GPHN: variants seen among roughly 807,000 people sequenced by gnomAD.
GPHN encodes the protein gephyrin.
In GPHN, 17 loss-of-function variants were observed where a neutral mutation model predicts 95.5. The ratio of observed to expected loss-of-function variants is 0.18; its 90% CI spans 0.12 to 0.27. The LOEUF is 0.27. Ranked by LOEUF, GPHN falls within the 10% of genes least tolerant of loss-of-function variation. The pLI is 1.00. For missense variants in GPHN, 660 were observed against 978.1 expected, an observed-to-expected ratio of 0.67 and a Z score of 4.34; for synonymous variants, 320 against 322.5, an observed-to-expected ratio of 0.99 and a Z score of 0.08.
intron 3 of GPHN, among the ~76,000 whole-genome samples, chr14:66,777,338 A>G (rs2059421811): frequency 1.3e-5 from 2 of 152,214 alleles, no homozygotes; most frequent in Admixed American, 1.3e-4. Flanking sequence ...TCAGTAGCCT[A>G]CCAACCAAAA....
chr14:67,165,928 AT>A (rs1407255901), intron 20 of GPHN, among the ~76,000 whole-genome samples: 1 of 152,216 alleles, frequency 6.6e-6, no homozygotes, highest in East Asian at 1.9e-4. Context: ...ATCTTGATAA[AT>A]TTTAAAATAA....
At chr14:67,467,190 A>G in the GPHN span, 4 of 152,140 alleles carry the variant, frequency 2.6e-5, no homozygotes, top group Admixed American at 2.0e-4. Flanking sequence ...CTTCCCTTCA[A>G]CATCTTCAGC....
the GPHN span, among the ~76,000 whole-genome samples, chr14:67,378,619 C>T: frequency 1.3e-5 from 2 of 152,302 alleles, no homozygotes; most frequent in African/African-American, 4.8e-5. Flanking sequence ...CATTTCTTAA[C>T]TTGTCTCAAC....
chr14:67,678,503 A>G, the GPHN span: 3 of 882,478 alleles, frequency 3.4e-6, no homozygotes, highest in Non-Finnish European at 5.6e-6. Flanking sequence ...AATATGACAT[A>G]AAAACAACTA....
At chr14:67,346,949 T>TACATA in the GPHN span, among the ~76,000 whole-genome samples, 2 of 152,224 alleles carry the variant, frequency 1.3e-5, no homozygotes, top group African/African-American at 4.8e-5. Flanking sequence ...TATTGAAATA[T>TACATA]TTTAAGATAT....
chr14:66,643,490 A>G (rs1418920069), intron 1 of GPHN, among the ~76,000 whole-genome samples: 1 of 152,126 alleles, frequency 6.6e-6, no homozygotes, highest in Admixed American at 6.6e-5. Context: ...ATGTCTACTT[A>G]TAGTAGAATG....
the GPHN span, among the ~76,000 whole-genome samples, chr14:67,285,339 C>T: frequency 6.6e-6 from 1 of 151,442 alleles, no homozygotes; most frequent in African/African-American, 2.4e-5. Flanking sequence ...TAAATGATGC[C>T]AATCCAGATG....
intron 12 of GPHN, among the ~76,000 whole-genome samples, chr14:67,100,387 G>C (rs895136745): frequency 6.6e-6 from 1 of 152,106 alleles, no homozygotes; most frequent in African/African-American, 2.4e-5. Flanking sequence ...ACAGTATGAA[G>C]TTGTTAAAAT....
chr14:67,196,171 A>G, the GPHN span, among the ~76,000 whole-genome samples: 4 of 151,306 alleles, frequency 2.6e-5, no homozygotes, highest in East Asian at 1.9e-4. Flanking sequence ...GCCTCTGACA[A>G]GTTTCATACT....
At chr14:67,302,497 G>C in the GPHN span, 3 of 1,597,526 alleles carry the variant, frequency 1.9e-6, no homozygotes, top group Non-Finnish European at 2.6e-6. Context: ...TCTGTTGCAT[G>C]AAGGAGATGA....
At chr14:66,621,791 G>T (rs2063317348) in intron 1 of GPHN, among the ~76,000 whole-genome samples, 1 of 152,186 alleles carries the variant, frequency 6.6e-6, no homozygotes, top group African/African-American at 2.4e-5. Flanking sequence ...TCATGCTGAT[G>T]CAAGAGGTGG....
intron 1 of GPHN, among the ~76,000 whole-genome samples, chr14:66,516,742 T>C (rs1307761829): frequency 6.6e-6 from 1 of 152,222 alleles, no homozygotes; most frequent in Non-Finnish European, 1.5e-5. Context: ...TTTCTTTTAA[T>C]TATTTCTTGT....
At chr14:67,242,793 A>G in the GPHN span, among the ~76,000 whole-genome samples, 1 of 152,238 alleles carries the variant, frequency 6.6e-6, no homozygotes, top group African/African-American at 2.4e-5. Context: ...AAAATCTGGT[A>G]AATTTTACCA....
chr14:67,013,944 A>G (rs2073154405), intron 9 of GPHN, among the ~76,000 whole-genome samples: 1 of 152,088 alleles, frequency 6.6e-6, no homozygotes, highest in Non-Finnish European at 1.5e-5. Flanking sequence ...CAAATACTCA[A>G]TAATTCAAGT....
At chr14:67,544,443 A>C in the GPHN span, among the ~76,000 whole-genome samples, 2 of 152,206 alleles carry the variant, frequency 1.3e-5, no homozygotes, top group South Asian at 4.1e-4. Flanking sequence ...CACAGAAAAA[A>C]AGCCTTAATG....
intron 21 of GPHN, among the ~76,000 whole-genome samples, chr14:67,171,210 A>G (rs2082580848): frequency 1.3e-5 from 2 of 151,416 alleles, no homozygotes; most frequent in South Asian, 2.1e-4. Context: ...AGAAAATGTA[A>G]AAAAAAAATG....
chr14:67,582,656 A>AAAAT, the GPHN span, among the ~76,000 whole-genome samples: 1 of 151,920 alleles, frequency 6.6e-6, no homozygotes, highest in Admixed American at 6.6e-5. The surrounding 1 kb of genome is among the most constrained non-coding windows in gnomAD (Gnocchi z 5.0). Context: ...TCTACTGAAA[A>AAAAT]AAAATAAAAT....
At chr14:67,051,146 C>T (rs576823749) in intron 10 of GPHN, among the ~76,000 whole-genome samples, 145 of 152,136 alleles carry the variant, frequency 9.5e-4, no homozygotes, top group Non-Finnish European at 1.7e-3. Context: ...GACTGAGCTC[C>T]CAGTGGGAGG....
At chr14:67,681,100 A>G in the GPHN span, among the ~76,000 whole-genome samples, 1 of 152,224 alleles carries the variant, frequency 6.6e-6, no homozygotes, top group South Asian at 2.1e-4. Context: ...AACTAAGGTT[A>G]AATGAGGTCA....
Sources: gnomAD v4.1 joint callset for allele counts (sites outside exome capture counted in the v4.1 genomes callset) on GRCh38, gnomAD v4.1.1 for gene constraint, Gnocchi (gnomAD v3.1) non-coding constraint, MANE v1.5 for transcripts, NCBI Gene and HGNC (gene_info 2026-07-23, HGNC 2026-07-21) for gene names.